CUX2: variants seen among roughly 807,000 people sequenced by gnomAD.
CUX2 encodes homeobox protein cut-like 2.
In CUX2, 40 loss-of-function variants were observed where a neutral mutation model predicts 144.8. The ratio of observed to expected loss-of-function variants is 0.28; its 90% CI spans 0.21 to 0.36. The LOEUF is 0.36. CUX2 is among the 10% of genes least tolerant of loss of function. CUX2 has a pLI of 1.00. For missense variants in CUX2, 1,615 were observed against 1,994.0 expected (o/e 0.81, Z 3.62); for synonymous variants, 827 against 875.6 (o/e 0.94, Z 0.98).
At chr12:111,227,264 G>C (rs576690761) in intron 3 of CUX2, among the ~76,000 whole-genome samples, 4 of 152,162 alleles carry the variant, frequency 2.6e-5, no homozygotes, top group Non-Finnish European at 5.9e-5. Flanking sequence ...GGGGTGAAAG[G>C]GTGAGTGCAA....
intron 1 of CUX2, among the ~76,000 whole-genome samples, chr12:111,105,310 G>T (rs1873527030): frequency 6.6e-6 from 1 of 152,228 alleles, no homozygotes; most frequent in African/African-American, 2.4e-5. Context: ...GTTTTGGAAT[G>T]ATCAGCCATG....
In CUX2 at chr12:111,348,065, G is replaced by A. The variant is rs761372938; in HGVS notation, c.4201G>A (p.Ala1401Thr). ...LEVSLNSPSA[A>T]SSPGLMMSVS... ...GGTGTCACTGAACTCGCCCTCGGCCGCCTCCTCACCAGGCCTCATGATGTC... is the reference window on the plus strand; with the variant it reads ...GGTGTCACTGAACTCGCCCTCGGCCACCTCCTCACCAGGCCTCATGATGTC... The change falls in exon 22 of 22, where the codon GCC becomes ACC. Residue 1401 changes from alanine (A) to threonine (T), a missense_variant. By Grantham distance (58) the Ala-to-Thr change is moderately conservative (BLOSUM62 0). Around this residue, in one of 12 missense-constraint regions of CUX2, gnomAD observed 298 missense variants for 330.4 expected, o/e 0.90. Coordinates refer to ENST00000261726, the MANE Select transcript of CUX2 (RefSeq NM_015267.4). The A allele has an allele frequency of 2.0e-5, 33 of 1,613,856 alleles. No individual in the cohort carries two copies. Among genetic ancestry groups the A allele is most frequent in the East Asian group, 1.6e-4 (7 of 44,892 alleles).
chr12:111,075,477 T>G (rs1362456918), intron 1 of CUX2, among the ~76,000 whole-genome samples: 1 of 152,118 alleles, frequency 6.6e-6, no homozygotes, highest in East Asian at 1.9e-4. Flanking sequence ...CTAGGCTGTT[T>G]GCGATGGGAT....
At chr12:111,158,804 G>A (rs571138194) in intron 1 of CUX2, among the ~76,000 whole-genome samples, 51 of 152,214 alleles carry the variant, frequency 3.4e-4, no homozygotes, top group African/African-American at 1.2e-3. Context: ...TTTTTGGCCC[G>A]GTCAGCCCAG....
At position 111,307,999 on chromosome 12, in the gene CUX2, A is replaced by G. The variant is rs971946071; in HGVS notation, c.1110-286A>G. ...AAAAGAAGCTGCCTGTAGACCATAC[A>G]AGGGAACTTATTATAGGCATGGTAA... On this transcript the variant is annotated intron_variant, in intron 12 of 21. Coordinates refer to ENST00000261726, the MANE Select transcript of CUX2 (RefSeq NM_015267.4). The surrounding 1 kb of genome is among the most constrained non-coding windows in gnomAD (Gnocchi z 4.1). Among the ~76,000 whole-genome samples the G allele has an allele frequency of 1.1e-4, 16 of 152,200 alleles. No individual in the cohort carries two copies. The highest frequency in any genetic ancestry group is 3.3e-4 in the Admixed American group (5 of 15,278).
At chr12:111,119,878 C>CA (rs1363264479) in intron 1 of CUX2, among the ~76,000 whole-genome samples, 2 of 152,126 alleles carry the variant, frequency 1.3e-5, no homozygotes, top group Non-Finnish European at 2.9e-5. Context: ...GCCAACATGG[C>CA]AAAACCCTGT....
chr12:111,317,328 T>A (rs1887248129), intron 16 of CUX2, among the ~76,000 whole-genome samples: 1 of 152,206 alleles, frequency 6.6e-6, no homozygotes, highest in African/African-American at 2.4e-5. Flanking sequence ...TCTATTATCC[T>A]TGGTTCATGA....
At chr12:111,145,670 T>C (rs2136128997) in intron 1 of CUX2, among the ~76,000 whole-genome samples, 1 of 151,382 alleles carries the variant, frequency 6.6e-6, no homozygotes, top group South Asian at 2.1e-4. Flanking sequence ...GCTCGGCTAT[T>C]TATTTATTTA....
At chr12:111,240,755 A>G (rs774416817) in intron 3 of CUX2, among the ~76,000 whole-genome samples, 4 of 152,188 alleles carry the variant, frequency 2.6e-5, no homozygotes, top group Non-Finnish European at 5.9e-5. Flanking sequence ...CCTCTGGGCT[A>G]CTGCACCTCC....
rs1322778919 is a variant in CUX2 at position 111,068,440 on chromosome 12, G to T, written c.63+34200G>T. Among the ~76,000 whole-genome samples, 1 of 152,250 alleles carries T rather than the reference G, an allele frequency of 6.6e-6. No homozygotes were observed. Among genetic ancestry groups the T allele is most frequent in the African/African-American group, 2.4e-5 (1 of 41,462 alleles). On this transcript the variant is annotated intron_variant, in intron 1 of 21. Coordinates refer to ENST00000261726, the MANE Select transcript of CUX2 (RefSeq NM_015267.4). This position sits in a 1 kb window ranked among gnomAD's most constrained non-coding sequence, Gnocchi z 4.9. ...GACGCTTGTCAGCGAGTGCTGCGGT[G>T]AAGTGTCAGGCGTCACCCGGGGTGA...
At chr12:111,296,666 T>C (rs1886015886) in intron 8 of CUX2, 127 bp downstream of exon 8, 1 of 734,380 alleles carries the variant, frequency 1.4e-6, no homozygotes, top group Non-Finnish European at 2.3e-6. Flanking sequence ...CCTCTGACCC[T>C]CCAGTACTTG....
At chr12:111,231,568 T>A (rs993412377) in intron 3 of CUX2, among the ~76,000 whole-genome samples, 1 of 152,182 alleles carries the variant, frequency 6.6e-6, no homozygotes, top group African/African-American at 2.4e-5. Context: ...AGGTCAGAAG[T>A]CAGCAGACTG....
At chr12:111,064,711 T>G (rs557373686) in intron 1 of CUX2, among the ~76,000 whole-genome samples, 1 of 152,366 alleles carries the variant, frequency 6.6e-6, no homozygotes, top group African/African-American at 2.4e-5. Flanking sequence ...AATTTGGAAC[T>G]GCCTAGAAGT....
chr12:111,214,954 G>A (rs917102373), intron 2 of CUX2, among the ~76,000 whole-genome samples: 1 of 152,034 alleles, frequency 6.6e-6, no homozygotes, highest in Non-Finnish European at 1.5e-5. Flanking sequence ...CCATCCTCTC[G>A]CAGGCCCCCC....
At chr12:111,097,740 C>A (rs999958815) in intron 1 of CUX2, among the ~76,000 whole-genome samples, 4 of 152,140 alleles carry the variant, frequency 2.6e-5, no homozygotes, top group Non-Finnish European at 4.4e-5. Context: ...GGAGGATCCG[C>A]AAAGAGACTG....
At position 111,077,355 on chromosome 12, in the gene CUX2, G is replaced by A. The variant is rs1191467650; in HGVS notation, c.63+43115G>A. Among the ~76,000 whole-genome samples the A allele has an allele frequency of 2.0e-5, 3 of 152,100 alleles. No homozygotes were observed. The highest frequency in any genetic ancestry group is 1.9e-4 in the East Asian group (1 of 5,162). ...CAGACATGACTCCCAGACCCCGAGT[G>A]TCTTGAACCCTAGCCTCTGGGGACT... is the stretch of plus-strand genomic sequence containing the variant. On this transcript the variant is annotated intron_variant, in intron 1 of 21. Transcript: ENST00000261726. This position sits in a 1 kb window ranked among gnomAD's most constrained non-coding sequence, Gnocchi z 4.1.
rs1555213131 is a variant in CUX2, at chr12:111,295,765, A to AATTAATTAATTAATTT, written c.637+358_637+373dup. Among the ~76,000 whole-genome samples, 43 of 151,478 alleles carry AATTAATTAATTAATTT rather than the reference A, an allele frequency of 2.8e-4. No individual in the cohort carries two copies. The East Asian group carries it at 7.0e-3, about 25-fold the overall frequency. ...AGACCCTGTCTCTAATTAATTAATTAATTAATTAATTAATTTAATACAACC... is the reference window on the plus strand; with the variant it reads ...AGACCCTGTCTCTAATTAATTAATTAATTAATTAATTAATTTATTAATTAATTAATTTAATACAACC... On this transcript the variant is annotated intron_variant, in intron 7 of 21. Transcript: ENST00000261726. The surrounding 1 kb of genome is among the most constrained non-coding windows in gnomAD (Gnocchi z 5.0).
At position 111,341,971 on chromosome 12, in the gene CUX2, C is replaced by A; in HGVS notation, c.3577C>A (p.Pro1193Thr). The A allele has an allele frequency of 6.2e-7, 1 of 1,614,114 alleles. No individual in the cohort carries two copies. Among genetic ancestry groups the A allele is most frequent in the Non-Finnish European group, 8.5e-7 (1 of 1,180,016 alleles). Residue 1193 changes from proline to threonine, a missense_variant, in exon 21 of 22, where the codon CCC becomes ACC. By Grantham distance (38) the Pro-to-Thr change is conservative. This residue lies in a region of CUX2 where 131 missense variants were observed against 223.1 expected (regional missense o/e 0.59). Transcript: ENST00000261726. Reference sequence around the variant, plus strand: ...GAAGGCCTATCAGCTGGAACCCTACCCCTCGCAGCAGACCATCGAGCTCCT... The same window carrying A: ...GAAGGCCTATCAGCTGGAACCCTACACCTCGCAGCAGACCATCGAGCTCCT... Reference protein sequence around the residue: ...LRKAYQLEPYPSQQTIELLSF... With the variant: ...LRKAYQLEPYTSQQTIELLSF...
intron 1 of CUX2, among the ~76,000 whole-genome samples, chr12:111,132,089 C>G (rs1008447334): frequency 6.6e-6 from 1 of 152,248 alleles, no homozygotes; most frequent in Non-Finnish European, 1.5e-5. Context: ...CCTGGTCATC[C>G]AGGCATTTCC....
Sources: allele counts gnomAD v4.1 joint callset (sites outside exome capture counted in the v4.1 genomes callset), GRCh38; gene constraint gnomAD v4.1.1; regional missense constraint gnomAD v4.1.1; non-coding constraint Gnocchi (gnomAD v3.1); transcripts MANE v1.5; gene names NCBI Gene and HGNC (gene_info 2026-07-23, HGNC 2026-07-21).